CADPS2: variants seen among roughly 807,000 people sequenced by gnomAD.
CADPS2 encodes calcium dependent secretion activator 2.
CADPS2 carries 93 observed loss-of-function variants against 172.5 expected under a neutral mutation model. The ratio of observed to expected loss-of-function variants is 0.54; its 90% CI spans 0.46 to 0.64. CADPS2 has a LOEUF of 0.64. CADPS2 is among the 30% of genes least tolerant of loss of function. The probability of loss-of-function intolerance (pLI) is 0.00; values close to 1 mark genes in which losing one functional copy is unlikely to be tolerated. For synonymous variants in CADPS2, 546 were observed against 555.2 expected (o/e 0.98, Z 0.23); for missense variants, 1,420 against 1,565.9 (o/e 0.91, Z 1.57).
chr7:122,881,815 A>G (rs1039373787), intron 1 of CADPS2, among the ~76,000 whole-genome samples: 1 of 152,146 alleles, frequency 6.6e-6, no homozygotes, highest in Non-Finnish European at 1.5e-5. Context: ...TCTTTAGGGG[A>G]ATAAGGTGAG....
intron 8 of CADPS2, among the ~76,000 whole-genome samples, chr7:122,523,631 T>C (rs1356989783): frequency 6.6e-6 from 1 of 152,144 alleles, no homozygotes; most frequent in Non-Finnish European, 1.5e-5. Flanking sequence ...ATGTGTACAT[T>C]GTGAAATGGC....
chr7:122,533,888 C>T (rs1367442434), intron 8 of CADPS2, among the ~76,000 whole-genome samples: 1 of 152,066 alleles, frequency 6.6e-6, no homozygotes, highest in Non-Finnish European at 1.5e-5. Context: ...TAATTTGTTG[C>T]ATGATAGAAA....
intron 1 of CADPS2, among the ~76,000 whole-genome samples, chr7:122,788,761 G>C (rs1478053350): frequency 6.6e-6 from 1 of 152,158 alleles, no homozygotes; most frequent in South Asian, 2.1e-4. Context: ...TTAGGTTCAA[G>C]CAAAGCTTTA....
At chr7:122,500,233 T>C (rs2059085921) in intron 9 of CADPS2, among the ~76,000 whole-genome samples, 1 of 152,248 alleles carries the variant, frequency 6.6e-6, no homozygotes, top group African/African-American at 2.4e-5. Flanking sequence ...TAACCTTGTT[T>C]GTCATTTTTT....
rs1210995586 is a variant in CADPS2, at chr7:122,640,507, AG to A, written c.787-11180del. Among the ~76,000 whole-genome samples the A allele has an allele frequency of 1.4e-4, 22 of 151,780 alleles. No homozygotes were observed. The East Asian group carries it at 2.3e-3, about 16-fold the overall frequency. On this transcript the variant is annotated intron_variant, in intron 3 of 29. Transcript: ENST00000449022. ...CACACACACAGAGATAGAGAGAGAGAGAGAGAAAAAAAAAGAAGGGAAGGGG... is the reference window on the plus strand; with the variant it reads ...CACACACACAGAGATAGAGAGAGAGAAGAGAAAAAAAAAGAAGGGAAGGGG...
At chr7:122,704,763 T>C (rs188118563) in intron 2 of CADPS2, among the ~76,000 whole-genome samples, 149 of 152,110 alleles carry the variant, frequency 9.8e-4, no homozygotes, top group African/African-American at 3.4e-3. Flanking sequence ...ATCTATCTCT[T>C]AAAAAGTGGT....
intron 1 of CADPS2, among the ~76,000 whole-genome samples, chr7:122,833,767 T>A (rs894043586): frequency 2.0e-5 from 3 of 152,108 alleles, no homozygotes; most frequent in South Asian, 2.1e-4. Context: ...AGGTAAAAGA[T>A]AAGAGTATAT....
intron 1 of CADPS2, among the ~76,000 whole-genome samples, chr7:122,764,831 A>C (rs903953879): frequency 2.9e-4 from 44 of 152,156 alleles, no homozygotes; most frequent in African/African-American, 1.0e-3. Flanking sequence ...GCATTCCATT[A>C]ACTGGATAGT....
At chr7:122,614,368 A>G (rs1017061991) in intron 6 of CADPS2, among the ~76,000 whole-genome samples, 1 of 152,166 alleles carries the variant, frequency 6.6e-6, no homozygotes, top group Admixed American at 6.5e-5. Context: ...CATTTCTCAT[A>G]TATCTTCAGT....
chr7:122,783,842 C>T (rs1268122532), intron 1 of CADPS2, among the ~76,000 whole-genome samples: 1 of 152,134 alleles, frequency 6.6e-6, no homozygotes, highest in Non-Finnish European at 1.5e-5. Flanking sequence ...TCCTTTGTAC[C>T]AACTTTAAGC....
At chr7:122,393,902 T>C (rs895810610) in intron 20 of CADPS2, among the ~76,000 whole-genome samples, 7 of 152,156 alleles carry the variant, frequency 4.6e-5, no homozygotes, top group Admixed American at 4.6e-4. Flanking sequence ...TCAAGGGAGC[T>C]GCCAGCTCCC....
chr7:122,367,564 T>A (rs1166268801), intron 25 of CADPS2, among the ~76,000 whole-genome samples: 1 of 141,240 alleles, frequency 7.1e-6, no homozygotes, highest in African/African-American at 2.6e-5. Context: ...TTTTTTTTTT[T>A]AAGACAGTCT....
At chr7:122,500,621 T>C (rs866472888) in intron 9 of CADPS2, among the ~76,000 whole-genome samples, 3 of 152,146 alleles carry the variant, frequency 2.0e-5, no homozygotes, top group East Asian at 1.9e-4. Flanking sequence ...AAACCAGGCT[T>C]ACCCTTTCAG....
chr7:122,526,520 T>G (rs2061251791), intron 8 of CADPS2, among the ~76,000 whole-genome samples: 1 of 152,110 alleles, frequency 6.6e-6, no homozygotes, highest in Admixed American at 6.6e-5. Flanking sequence ...TGTCTTCCTT[T>G]GACACGAAGA....
chr7:122,612,374 C>A (rs1421099609), intron 6 of CADPS2, among the ~76,000 whole-genome samples: 2 of 151,338 alleles, frequency 1.3e-5, no homozygotes, highest in Admixed American at 6.6e-5. Flanking sequence ...AATCTATATA[C>A]AAAAATAATT....
At chr7:122,362,320 T>C (rs911599575) in intron 25 of CADPS2, among the ~76,000 whole-genome samples, 1 of 152,158 alleles carries the variant, frequency 6.6e-6, no homozygotes, top group Non-Finnish European at 1.5e-5. Flanking sequence ...AAAAGAGCAC[T>C]GGACTCAGAA....
chr7:122,459,549 T>A (rs540318001), intron 14 of CADPS2, among the ~76,000 whole-genome samples: 64 of 152,292 alleles, frequency 4.2e-4, no homozygotes, highest in African/African-American at 1.4e-3. Context: ...TTTGTTATAA[T>A]CATTTTCAAT....
chr7:122,408,619 GTT>G, intron 19 of CADPS2, among the ~76,000 whole-genome samples: 1 of 152,234 alleles, frequency 6.6e-6, no homozygotes, highest in Admixed American at 6.5e-5. Context: ...GAGAAACGGG[GTT>G]TTGCTATGTT....
intron 11 of CADPS2, 58 bp downstream of exon 11, chr7:122,490,023 T>C (rs563174932): frequency 1.4e-6 from 2 of 1,479,326 alleles, no homozygotes; most frequent in Non-Finnish European, 1.9e-6. Flanking sequence ...TTTGCCTCAA[T>C]TTTATATCTT....
Sources: allele counts gnomAD v4.1 joint callset (sites outside exome capture counted in the v4.1 genomes callset), GRCh38; gene constraint gnomAD v4.1.1; transcripts MANE v1.5; gene names NCBI Gene and HGNC (gene_info 2026-07-23, HGNC 2026-07-21).